HSPG2: variants seen among roughly 807,000 people sequenced by gnomAD.
The protein encoded by HSPG2 is basement membrane-specific heparan sulfate proteoglycan core protein.
Under a neutral mutation model 526.6 loss-of-function variants are expected in HSPG2, and 278 were observed. The observed-to-expected ratio is 0.53, with a 90% CI of 0.48 to 0.58. The LOEUF (loss-of-function observed/expected upper bound fraction) is 0.58. Ranked by LOEUF, HSPG2 falls within the 20% of genes least tolerant of loss-of-function variation. The pLI is 0.00. For synonymous variants in HSPG2, 2,465 were observed against 2,555.4 expected, an observed-to-expected ratio of 0.96 and a Z score of 1.07; for missense variants, 5,354 against 6,099.5, an observed-to-expected ratio of 0.88 and a Z score of 4.07.
intron 9 of HSPG2, 86 bp from the exon 10 acceptor site, chr1:21,885,537 C>T: frequency 6.6e-7 from 1 of 1,525,060 alleles, no homozygotes; most frequent in Non-Finnish European, 9.0e-7. Context: ...ATCTTGCCCA[C>T]ATAACCCACA....
chr1:21,854,513 G>C, intron 49 of HSPG2, 98 bp downstream of exon 49: 2 of 1,457,856 alleles, frequency 1.4e-6, no homozygotes, highest in Middle Eastern at 2.4e-4. Flanking sequence ...TGGAACGTGT[G>C]GGGCAGTGTG....
chr1:21,867,570 C>A (rs1179038848), intron 33 of HSPG2, among the ~76,000 whole-genome samples: 2 of 152,118 alleles, frequency 1.3e-5, no homozygotes, highest in Non-Finnish European at 2.9e-5. Flanking sequence ...TAATATAGGA[C>A]ACAAATGGTG....
chr1:21,851,395 A>C, intron 55 of HSPG2, 151 bp downstream of exon 55: 1 of 1,129,358 alleles, frequency 8.9e-7, no homozygotes, highest in Non-Finnish European at 1.3e-6. Context: ...AGTCAGTCCT[A>C]GATTCTGGTT....
In HSPG2 at chr1:21,872,859, C is replaced by T. The variant is rs185753240; in HGVS notation, c.3889-99G>A. On this transcript the variant is annotated intron_variant, in intron 31 of 96. Coordinates refer to ENST00000374695, the MANE Select transcript of HSPG2 (RefSeq NM_005529.7). The surrounding 1 kb of genome is among the most constrained non-coding windows in gnomAD (Gnocchi z 5.5). ...CCTCCCTGGCCACTTCCAGCAGCCCCGGGCAGCCCCTGCCCTGTCCCCCAT... is the reference window on the plus strand; with the variant it reads ...CCTCCCTGGCCACTTCCAGCAGCCCTGGGCAGCCCCTGCCCTGTCCCCCAT... The T allele has an allele frequency of 2.0e-3, 3,058 of 1,547,414 alleles. 50 individuals are homozygous for T. In the African/African-American group the frequency reaches 0.034, roughly 17 times the overall value.
chr1:21,826,976 G>A (rs919628171), intron 91 of HSPG2, among the ~76,000 whole-genome samples: 53 of 152,064 alleles, frequency 3.5e-4, no homozygotes, highest in African/African-American at 1.3e-3. Context: ...AGGAAGCCAA[G>A]GGGGGCGGAT....
chr1:21,885,400 G>C lies in HSPG2; in HGVS notation c.1130C>G (p.Ser377Cys). 1 of 1,614,114 alleles carries C rather than the reference G, an allele frequency of 6.2e-7. No homozygotes were observed. Among genetic ancestry groups the C allele is most frequent in the Middle Eastern group, 1.6e-4 (1 of 6,062 alleles). ...GCTGGCTGGGATGCACATGTTGGTA[G>C]AGACGCATCGGAACTGTGTGGGCCC... ...VCGPTQFRCV[S>C]TNMCIPASFH... is the part of the protein sequence containing the mutation. The change falls in exon 10 of 97, where the codon TCT becomes TGT. Residue 377 changes from serine to cysteine, a missense_variant. Ser to Cys is a moderately radical substitution (Grantham distance 112). Coordinates refer to ENST00000374695, the MANE Select transcript of HSPG2 (RefSeq NM_005529.7).
Position 21,859,730 on chromosome 1 carries a change from C to T in HSPG2, c.5183-54G>A. On this transcript the variant is annotated intron_variant, in intron 41 of 96. Transcript: ENST00000374695. This position sits in a 1 kb window ranked among gnomAD's most constrained non-coding sequence, Gnocchi z 5.3. Reference sequence around the variant, plus strand: ...GTGCAGATACACTCTTTCTCACATCCAGCCCCATGCACAAGGACAGCATCC... The same window carrying T: ...GTGCAGATACACTCTTTCTCACATCTAGCCCCATGCACAAGGACAGCATCC... 1.3e-6 allele frequency: 2 copies of T among 1,581,488 alleles called. No individual in the cohort carries two copies. The highest frequency in any genetic ancestry group is 1.1e-5 in the South Asian group (1 of 87,276).
At position 21,830,644 on chromosome 1, in the gene HSPG2, C is replaced by T. The variant is rs2004150; in HGVS notation, c.11671+338G>A. 41,874 of 296,358 alleles carry T rather than the reference C, an allele frequency of 0.14. 3,942 individuals carry two copies. Among genetic ancestry groups the T allele is most frequent in the South Asian group, 0.24 (5,687 of 24,128 alleles). The allele number at this position is 296,358 out of a possible 1,614,324, so 18.4% of individuals were successfully genotyped here. On this transcript the variant is annotated intron_variant, in intron 85 of 96. Coordinates refer to ENST00000374695, the MANE Select transcript of HSPG2 (RefSeq NM_005529.7). ...GGTGGAAGTTGCAGTGAGCTGAGAT[C>T]GTGCCACTGCACTCCAGCCTGGGCA...
Position 21,864,159 on chromosome 1 carries a change from C to T in HSPG2, c.4681G>A (p.Glu1561Lys), listed in dbSNP as rs372608187. The T allele has an allele frequency of 8.1e-5, 126 of 1,556,188 alleles. No homozygotes were observed. Among genetic ancestry groups the T allele is most frequent in the South Asian group, 2.7e-4 (23 of 84,294 alleles). Residue 1561 changes from glutamate to lysine, a missense_variant, in exon 37 of 97, where the codon GAG (glutamate) becomes AAG (lysine). Glu to Lys is a moderately conservative substitution (Grantham distance 56, BLOSUM62 1). Coordinates refer to ENST00000374695, the MANE Select transcript of HSPG2 (RefSeq NM_005529.7). This position sits in a 1 kb window ranked among gnomAD's most constrained non-coding sequence, Gnocchi z 4.8. ...TGSGLYLGHC[E>K]LCECNGHSDL... is the part of the protein sequence containing the mutation. ...GAGTGGCCATTGCATTCACATAGCT[C>T]GCAGTGGCCGAGGTAGAGCCCACTC...
At chr1:21,891,167 C>T (rs1642333057) in intron 3 of HSPG2, among the ~76,000 whole-genome samples, 1 of 152,226 alleles carries the variant, frequency 6.6e-6, no homozygotes. Flanking sequence ...CCCCTGGGCT[C>T]CCACAGTGCC....
Position 21,828,488 on chromosome 1 carries a change from A to C in HSPG2, c.12238-62T>G. ...TGGGAGGCAGAGACCCAGGTGTACC[A>C]GCAGGGAGAAGAATGCAGCAGAGGG... On this transcript the variant is annotated intron_variant, in intron 88 of 96. Coordinates refer to ENST00000374695, the MANE Select transcript of HSPG2 (RefSeq NM_005529.7). The surrounding 1 kb of genome is among the most constrained non-coding windows in gnomAD (Gnocchi z 6.0). 2.6e-6 allele frequency: 4 copies of C among 1,550,448 alleles called. No homozygotes were observed. Among genetic ancestry groups the C allele is most frequent in the Non-Finnish European group, 2.7e-6 (3 of 1,131,736 alleles).
At chr1:21,853,177 A>T (rs1486385876) in intron 50 of HSPG2, 107 bp from the exon 51 acceptor site, 1 of 1,506,484 alleles carries the variant, frequency 6.6e-7, no homozygotes, top group African/African-American at 1.4e-5. Flanking sequence ...GACGGCCGAC[A>T]GGTGGCCTTT....
rs769878615 is a variant in HSPG2, at chr1:21,850,046, G to C, written c.7441C>G (p.His2481Asp). The C allele has an allele frequency of 1.2e-6, 2 of 1,613,116 alleles. No homozygotes were observed. Among genetic ancestry groups the C allele is most frequent in the Non-Finnish European group, 1.7e-6 (2 of 1,179,992 alleles). ...HKRGGSLPARHQVHGSRLRLL... is the reference protein window; with the variant it reads ...HKRGGSLPARDQVHGSRLRLL... Reference sequence around the variant, plus strand: ...CCTGAGCTCCTGCCTCCTACCTGGTGCCGGGCCGGGAGGCTGCCCCCGCGC... The same window carrying C: ...CCTGAGCTCCTGCCTCCTACCTGGTCCCGGGCCGGGAGGCTGCCCCCGCGC... Residue 2481 changes from histidine to aspartate, a missense_variant, in exon 57 of 97, where the codon CAC (histidine) becomes GAC (aspartate). His to Asp is a moderately conservative substitution (Grantham distance 81). Coordinates refer to ENST00000374695, the MANE Select transcript of HSPG2 (RefSeq NM_005529.7).
intron 71 of HSPG2, among the ~76,000 whole-genome samples, chr1:21,840,275 C>T (rs1401033006): frequency 6.6e-6 from 1 of 152,062 alleles, no homozygotes; most frequent in East Asian, 1.9e-4. Flanking sequence ...ATAGCTGGGA[C>T]TACAGGTATG....
intron 33 of HSPG2, among the ~76,000 whole-genome samples, chr1:21,867,404 G>A (rs927936474): frequency 6.6e-6 from 1 of 152,010 alleles, no homozygotes; most frequent in African/African-American, 2.4e-5. Flanking sequence ...TGATTAAAAC[G>A]GCAGACTCCA....
At chr1:21,874,344 G>A in intron 28 of HSPG2, 62 bp downstream of exon 28, 1 of 1,601,632 alleles carries the variant, frequency 6.2e-7, no homozygotes, top group African/African-American at 1.3e-5. Context: ...GGATGAAGCG[G>A]GTGTGGGAGC....
Position 21,876,049 on chromosome 1 carries a change from C to A in HSPG2, c.3004-7G>T, listed in dbSNP as rs1315180519. On this transcript the variant is annotated splice_polypyrimidine_tract_variant and splice_region_variant and intron_variant, in intron 23 of 96. Transcript: ENST00000374695. Reference sequence around the variant, plus strand: ...CTCCTCCATAGGAGGTCACCTGGGACCAGGGTTAGACAGGAGCTTGCGGAG... The same window carrying A: ...CTCCTCCATAGGAGGTCACCTGGGAACAGGGTTAGACAGGAGCTTGCGGAG... 1 of 1,613,684 alleles carries A rather than the reference C, an allele frequency of 6.2e-7. No homozygotes were observed. Among genetic ancestry groups the A allele is most frequent in the Non-Finnish European group, 8.5e-7 (1 of 1,179,918 alleles).
Position 21,836,791 on chromosome 1 carries a change from G to A in HSPG2, c.10355+11C>T, listed in dbSNP as rs1362194654. Reference sequence around the variant, plus strand: ...CTGCCCAAGTCCAGTCCTGCCCCCGGCCCCACTCACCGGAGCACCCCATCC... The same window carrying A: ...CTGCCCAAGTCCAGTCCTGCCCCCGACCCCACTCACCGGAGCACCCCATCC... On this transcript the variant is annotated intron_variant, in intron 75 of 96. Transcript: ENST00000374695. 6.5e-7 allele frequency: 1 copy of A among 1,547,112 alleles called. No homozygotes were observed. The highest frequency in any genetic ancestry group is 2.4e-5 in the East Asian group (1 of 41,662).
rs1219663238 is a variant in HSPG2, at chr1:21,838,919, A to T, written c.10056T>A (p.Phe3352Leu). 6.2e-7 allele frequency: 1 copy of T among 1,612,046 alleles called. No homozygotes were observed. The highest frequency in any genetic ancestry group is 1.3e-5 in the African/African-American group (1 of 74,906). The stretch of plus-strand genomic sequence containing the variant: ...CTGAGTCCTCAGGGGCTGCACGCTC[A>T]AAGTGCAGCAGCTCGTTCCTGGCGG... ...RATARNELLHFERAAPEDSGR... is the reference protein window; with the variant it reads ...RATARNELLHLERAAPEDSGR... The change falls in exon 74 of 97, where the codon TTT becomes TTA. Residue 3352 changes from phenylalanine (F) to leucine (L), a missense_variant. Physicochemically the swap from Phe to Leu is conservative, Grantham distance 22. Transcript: ENST00000374695.
Sources: gnomAD v4.1 joint callset for allele counts (sites outside exome capture counted in the v4.1 genomes callset) on GRCh38, gnomAD v4.1.1 for gene constraint, Gnocchi (gnomAD v3.1) non-coding constraint, MANE v1.5 for transcripts, NCBI Gene and HGNC (gene_info 2026-07-23, HGNC 2026-07-21) for gene names.